IKBKB: variants seen among roughly 807,000 people sequenced by gnomAD.
IKBKB encodes inhibitor of nuclear factor kappa-B kinase subunit beta.
Under a neutral mutation model 113.6 loss-of-function variants are expected in IKBKB, and 42 were observed. The ratio of observed to expected loss-of-function variants is 0.37; its 90% CI spans 0.29 to 0.48. The LOEUF is 0.48. IKBKB is among the 20% of genes least tolerant of loss of function. IKBKB has a pLI of 0.99. For missense variants in IKBKB, 673 were observed against 939.7 expected, an observed-to-expected ratio of 0.72 and a Z score of 3.71; for synonymous variants, 296 against 361.3, an observed-to-expected ratio of 0.82 and a Z score of 2.05.
At chr8:42,323,149 A>T (rs1348919273) in intron 19 of IKBKB, among the ~76,000 whole-genome samples, 1 of 152,162 alleles carries the variant, frequency 6.6e-6, no homozygotes, top group Non-Finnish European at 1.5e-5. Flanking sequence ...ATTGGATTTG[A>T]GTCCCACCCA....
chr8:42,285,768 A>G (rs375079095), intron 2 of IKBKB, among the ~76,000 whole-genome samples: 2 of 152,230 alleles, frequency 1.3e-5, no homozygotes, highest in East Asian at 3.8e-4. Context: ...TGGCTGCACC[A>G]TGGGTGAGCC....
chr8:42,327,146 C>A (rs1356449931), intron 20 of IKBKB, among the ~76,000 whole-genome samples: 1 of 152,080 alleles, frequency 6.6e-6, no homozygotes, highest in Admixed American at 6.6e-5. Context: ...TTTGAAGAAT[C>A]TTGTTCTTGT....
chr8:42,325,950 C>A lies in IKBKB; in HGVS notation c.1987-20C>A. 1 of 1,613,204 alleles carries A rather than the reference C, an allele frequency of 6.2e-7. No homozygotes were observed. The highest frequency in any genetic ancestry group is 8.5e-7 in the Non-Finnish European group (1 of 1,179,676). On this transcript the variant is annotated intron_variant, in intron 19 of 21. Transcript: ENST00000520810. ...TGATTCATCACTTGGCTCCTAATTTCTTTTGATTTTGTCCCCTAGAGCAAG... is the reference window on the plus strand; with the variant it reads ...TGATTCATCACTTGGCTCCTAATTTATTTTGATTTTGTCCCCTAGAGCAAG...
intron 8 of IKBKB, among the ~76,000 whole-genome samples, chr8:42,311,563 CAAAAAAAAAA>C (rs56282608): frequency 3.5e-5 from 4 of 114,074 alleles, no homozygotes; most frequent in African/African-American, 1.6e-4. Flanking sequence ...TCCATCTTAC[CAAAAAAAAAA>C]AAAAAGAAAA....
At chr8:42,290,749 G>A (rs1379981748) in intron 4 of IKBKB, among the ~76,000 whole-genome samples, 2 of 152,196 alleles carry the variant, frequency 1.3e-5, no homozygotes, top group Admixed American at 6.5e-5. Flanking sequence ...TCAGAGAGCC[G>A]GGCCAGGGCT....
At chr8:42,293,743 G>T (rs764795187) in intron 5 of IKBKB, among the ~76,000 whole-genome samples, 9 of 152,130 alleles carry the variant, frequency 5.9e-5, no homozygotes, top group Non-Finnish European at 1.3e-4. Context: ...CTCATCAGGT[G>T]AATTATGATG....
At position 42,319,586 on chromosome 8, in the gene IKBKB, A is replaced by G. The variant is rs1819384152; in HGVS notation, c.1518A>G (p.Thr506=). The G allele has an allele frequency of 1.3e-5, 20 of 1,587,272 alleles. No homozygotes were observed. Among genetic ancestry groups the G allele is most frequent in the East Asian group, 2.2e-5 (1 of 44,682 alleles). Residue 506 remains threonine, a splice_region_variant and synonymous_variant, in exon 15 of 22, where the codon ACA becomes ACG. Coordinates refer to ENST00000520810, the MANE Select transcript of IKBKB (RefSeq NM_001556.3). ...TTTTCCTTCTCAATTTTTTTTCAGC[A>G]TCAGATAAACTGCTGCTGGCCTGGA... ...KYSEQTEFGI[T]SDKLLLAWRE...
chr8:42,314,130 C>T (rs975370332), intron 8 of IKBKB, 192 bp from the exon 9 acceptor site: 35 of 588,134 alleles, frequency 6.0e-5, no homozygotes, highest in South Asian at 1.8e-4. Context: ...TATTCAGTAC[C>T]GGAGCATGCT....
chr8:42,314,547 G>A (rs1818313641), intron 9 of IKBKB, 118 bp downstream of exon 9: 1 of 717,952 alleles, frequency 1.4e-6, no homozygotes, highest in South Asian at 1.5e-5. Flanking sequence ...GGCTGAGGCA[G>A]GTGGATCACC....
intron 2 of IKBKB, among the ~76,000 whole-genome samples, chr8:42,285,342 T>C (rs1420230194): frequency 1.3e-5 from 2 of 152,002 alleles, no homozygotes; most frequent in East Asian, 3.9e-4. Context: ...GGCCAGGAGT[T>C]TGAGACCAGC....
chr8:42,318,778 T>G, intron 13 of IKBKB, 103 bp downstream of exon 13: 1 of 1,132,928 alleles, frequency 8.8e-7, no homozygotes, highest in South Asian at 1.6e-5. Flanking sequence ...GCAACCGTTA[T>G]GAGCAACAAA....
intron 8 of IKBKB, among the ~76,000 whole-genome samples, chr8:42,311,772 T>C (rs982857260): frequency 6.6e-6 from 1 of 152,210 alleles, no homozygotes; most frequent in African/African-American, 2.4e-5. Context: ...CTCCTTTAGC[T>C]ACATAGGTTC....
chr8:42,322,548 C>G, intron 19 of IKBKB, 54 bp downstream of exon 19: 1 of 1,592,398 alleles, frequency 6.3e-7, no homozygotes, highest in Admixed American at 1.7e-5. Context: ...CTGTGCCTTT[C>G]CACCTCTGTG....
At position 42,307,471 on chromosome 8, in the gene IKBKB, A is replaced by G. The variant is rs558064859; in HGVS notation, c.567+1039A>G. Among the ~76,000 whole-genome samples, 136 of 152,358 alleles carry G rather than the reference A, an allele frequency of 8.9e-4. 1 individual carries two copies. The highest frequency in any genetic ancestry group is 1.6e-3 in the Non-Finnish European group (112 of 68,032). ...CTGTGTGGAGAAGGAATCACACTGA[A>G]CAGGAGGGAAGAGTGGGTGAGGTAG... On this transcript the variant is annotated intron_variant, in intron 7 of 21. Coordinates refer to ENST00000520810, the MANE Select transcript of IKBKB (RefSeq NM_001556.3).
Position 42,320,842 on chromosome 8 carries a change from C to A in IKBKB, c.1686C>A (p.Asp562Glu). ...GGAAGCAGGGGGGAACGCTGGACGACCTGTGAGTACTGGCTGGGGGGCCCC... is the reference window on the plus strand; with the variant it reads ...GGAAGCAGGGGGGAACGCTGGACGAACTGTGAGTACTGGCTGGGGGGCCCC... ...MGRKQGGTLD[D>E]LEEQARELYR... Residue 562 changes from aspartate (D) to glutamate (E), a missense_variant and splice_region_variant, in exon 16 of 22, where the codon GAC becomes GAA. Asp to Glu is a conservative substitution (Grantham distance 45). Around this residue, in one of 2 missense-constraint regions of IKBKB, gnomAD observed 506 missense variants for 638.7 expected, o/e 0.79. Coordinates refer to ENST00000520810, the MANE Select transcript of IKBKB (RefSeq NM_001556.3). 6.3e-7 allele frequency: 1 copy of A among 1,578,756 alleles called. No individual in the cohort carries two copies. Among genetic ancestry groups the A allele is most frequent in the South Asian group, 1.2e-5 (1 of 85,544 alleles).
At position 42,316,634 on chromosome 8, in the gene IKBKB, A is replaced by G. The variant is rs1304027953; in HGVS notation, c.931-76A>G. On this transcript the variant is annotated intron_variant, in intron 10 of 21. Transcript: ENST00000520810. This position sits in a 1 kb window ranked among gnomAD's most constrained non-coding sequence, Gnocchi z 4.5. ...GGTTGGGAAATGTTGGGAGTAGCAG[A>G]GAGAGGACCTAGGCAAATAGATGGG... is the stretch of plus-strand genomic sequence containing the variant. 1 of 1,375,992 alleles carries G rather than the reference A, an allele frequency of 7.3e-7. No individual in the cohort carries two copies. Among genetic ancestry groups the G allele is most frequent in the African/African-American group, 1.4e-5 (1 of 70,048 alleles). The allele number at this position is 1,375,992 out of a possible 1,614,324, so 85.2% of individuals were successfully genotyped here.
Position 42,316,709 on chromosome 8 carries a change from G to C in IKBKB, c.931-1G>C. The C allele has an allele frequency of 6.2e-7, 1 of 1,608,866 alleles. No homozygotes were observed. Among genetic ancestry groups the C allele is most frequent in the Non-Finnish European group, 8.5e-7 (1 of 1,175,902 alleles). On this transcript the variant is annotated splice_acceptor_variant, in intron 10 of 21. Transcript: ENST00000520810. LOFTEE classifies it high-confidence loss of function. The surrounding 1 kb of genome is among the most constrained non-coding windows in gnomAD (Gnocchi z 4.5). ...CCAGTAACATCTGGGTTGTGTTGCA[G>C]CTGGTTCATATCTTGAACATGGTCA...
chr8:42,272,816 G>A (rs1808075746), intron 2 of IKBKB, among the ~76,000 whole-genome samples: 1 of 151,810 alleles, frequency 6.6e-6, no homozygotes, highest in East Asian at 1.9e-4. Context: ...GCACGTGCCT[G>A]TAGTCCCCAG....
intron 2 of IKBKB, among the ~76,000 whole-genome samples, chr8:42,287,456 C>T (rs918412159): frequency 2.3e-4 from 35 of 152,262 alleles, no homozygotes; most frequent in Admixed American, 1.8e-3. Flanking sequence ...CTCTTGAGCT[C>T]GGCAGACCGT....
Sources: gnomAD v4.1 joint callset for allele counts (sites outside exome capture counted in the v4.1 genomes callset) on GRCh38, gnomAD v4.1.1 for gene constraint, gnomAD v4.1.1 regional missense constraint, Gnocchi (gnomAD v3.1) non-coding constraint, MANE v1.5 for transcripts, NCBI Gene and HGNC (gene_info 2026-07-23, HGNC 2026-07-21) for gene names.